Variants in VEGFA observed in about 807,000 individuals in gnomAD.
VEGFA encodes the protein vascular endothelial growth factor A, also known as vascular endothelial growth factor A, long form.
VEGFA carries 20 observed loss-of-function variants against 49.7 expected under a neutral mutation model. That is an observed-to-expected ratio of 0.40 (90% CI 0.28 to 0.58). VEGFA has a LOEUF of 0.58. VEGFA is among the 20% of genes least tolerant of loss of function. The probability of loss-of-function intolerance (pLI) is 0.40; values close to 1 mark genes in which losing one functional copy is unlikely to be tolerated. For synonymous variants in VEGFA, 219 were observed against 223.4 expected, an observed-to-expected ratio of 0.98 and a Z score of 0.18; for missense variants, 505 against 553.5, an observed-to-expected ratio of 0.91 and a Z score of 0.88.
rs1055871923 is a variant in VEGFA, at chr6:43,780,019, A to G, written c.963-713A>G. ...CAGGCTGGGGAGAGAACTCCCTGCC[A>G]AGTACCGCCCAAGCCTCTCCTCCCC... On this transcript the variant is annotated intron_variant, in intron 5 of 7. Coordinates refer to ENST00000672860, the MANE Select transcript of VEGFA (RefSeq NM_003376.6). The G allele has an allele frequency of 2.8e-5, 7 of 253,740 alleles. 1 individual carries two copies. Among genetic ancestry groups the G allele is most frequent in the South Asian group, 1.8e-4 (4 of 22,362 alleles). The allele number at this position is 253,740 out of a possible 1,614,324, so 15.7% of individuals were successfully genotyped here.
chr6:43,782,164 G>A (rs1166339268), intron 7 of VEGFA, 77 bp downstream of exon 7: 19 of 1,572,276 alleles, frequency 1.2e-5, no homozygotes, highest in Non-Finnish European at 1.5e-5. Context: ...AAGAGAGTGA[G>A]CGAGCGAGCG....
At chr6:43,782,305 T>C (rs1348442905) in intron 7 of VEGFA, 26 of 658,682 alleles carry the variant, frequency 3.9e-5, no homozygotes, top group Non-Finnish European at 6.3e-5. Context: ...GCGGGGCCTG[T>C]TCCGAGGTTG....
intron 2 of VEGFA, chr6:43,775,150 A>G (rs1221759115): frequency 1.3e-5 from 2 of 153,142 alleles, no homozygotes; most frequent in Non-Finnish European, 2.9e-5. Flanking sequence ...GTGGCTGGGT[A>G]GTGGCCAGCA....
intron 2 of VEGFA, 146 bp downstream of exon 2, chr6:43,774,538 G>C (rs1764667479): frequency 2.1e-6 from 2 of 963,556 alleles, no homozygotes; most frequent in South Asian, 2.8e-5. Flanking sequence ...TGGGCACCAC[G>C]AGGTTCACCC....
intron 7 of VEGFA, 174 bp downstream of exon 7, chr6:43,782,261 C>T: frequency 1.0e-6 from 1 of 1,002,018 alleles, no homozygotes; most frequent in Non-Finnish European, 1.5e-6. Flanking sequence ...CTTTTAAGGC[C>T]CCTGTGGTGG....
In VEGFA at chr6:43,770,848, C is replaced by T; in HGVS notation, c.142C>T (p.Arg48Cys). 6.5e-7 allele frequency: 1 copy of T among 1,532,976 alleles called. No individual in the cohort carries two copies. The allele number at this position is 1,532,976 out of a possible 1,614,324, so 95.0% of individuals were successfully genotyped here. Reference sequence around the variant, plus strand: ...AGGCGGGGTGGAGGGGGTCGGGGCTCGCGGCGTCGCACTGAAACTTTTCGT... The same window carrying T: ...AGGCGGGGTGGAGGGGGTCGGGGCTTGCGGCGTCGCACTGAAACTTTTCGT... Residue 48 changes from arginine (R) to cysteine (C), a missense_variant, in exon 1 of 8, where the codon CGC becomes TGC. Physicochemically the swap from Arg to Cys is radical, Grantham distance 180. Transcript: ENST00000672860.
At position 43,771,301 on chromosome 6, in the gene VEGFA, C is replaced by T. The variant is rs754375185; in HGVS notation, c.595C>T (p.His199Tyr). 12 of 1,604,402 alleles carry T rather than the reference C, an allele frequency of 7.5e-6. No homozygotes were observed. In the Admixed American group the frequency reaches 1.5e-4, roughly 20 times the overall value. Reference sequence around the variant, plus strand: ...GAGCCTTGCCTTGCTGCTCTACCTCCACCATGCCAAGGTAAGCGGTCGTGC... The same window carrying T: ...GAGCCTTGCCTTGCTGCTCTACCTCTACCATGCCAAGGTAAGCGGTCGTGC... Residue 199 changes from histidine to tyrosine, a missense_variant, in exon 1 of 8, where the codon CAC becomes TAC. His to Tyr is a moderately conservative substitution (Grantham distance 83). Coordinates refer to ENST00000672860, the MANE Select transcript of VEGFA (RefSeq NM_003376.6).
At position 43,786,423 on chromosome 6, in the gene VEGFA, A is replaced by C. The variant is rs1769456372; in HGVS notation, c.*1861A>C. 1 of 172,374 alleles carries C rather than the reference A, an allele frequency of 5.8e-6. No homozygotes were observed. The highest frequency in any genetic ancestry group is 2.4e-5 in the African/African-American group (1 of 42,082). The allele number at this position is 172,374 out of a possible 1,614,324, so 10.7% of individuals were successfully genotyped here. A position where few individuals can be genotyped will look rare whatever the true frequency, so the allele number is the denominator to read the frequency against. On this transcript the variant is annotated 3_prime_UTR_variant, in exon 8 of 8. Coordinates refer to ENST00000672860, the MANE Select transcript of VEGFA (RefSeq NM_003376.6). ...TATTTATTTTTAAACAACGACAAAG[A>C]AATACAGATATATCTTAAAAAAAAA...
chr6:43,780,631 G>A, intron 5 of VEGFA, 101 bp from the exon 6 acceptor site: 1 of 1,543,418 alleles, frequency 6.5e-7, no homozygotes, highest in Non-Finnish European at 8.8e-7. Flanking sequence ...GCCCTGTGTG[G>A]CTTTGCTTTG....
At position 43,771,022 on chromosome 6, in the gene VEGFA, G is replaced by C. The variant is rs988521895; in HGVS notation, c.316G>C (p.Gly106Arg). The C allele has an allele frequency of 3.3e-6, 5 of 1,530,302 alleles. No homozygotes were observed. The African/African-American group carries it at 4.2e-5, about 13-fold the overall frequency. 94.8% of individuals were successfully genotyped at this position (1,530,302 alleles called of 1,614,324 possible). The stretch of plus-strand genomic sequence containing the variant: ...GGAAGAAGAGAAGGAAGAGGAGAGG[G>C]GGCCGCAGTGGCGACTCGGCGCTCG... Residue 106 changes from glycine (G) to arginine (R), a missense_variant, in exon 1 of 8, where the codon GGG becomes CGG. Gly to Arg is a moderately radical substitution (Grantham distance 125). Around this residue, in one of 2 missense-constraint regions of VEGFA, gnomAD observed 340 missense variants for 321.8 expected, o/e 1.06. Coordinates refer to ENST00000672860, the MANE Select transcript of VEGFA (RefSeq NM_003376.6).
In VEGFA at chr6:43,771,178, G is replaced by T; in HGVS notation, c.472G>T (p.Gly158Trp). 6.3e-7 allele frequency: 1 copy of T among 1,585,152 alleles called. No individual in the cohort carries two copies. Among genetic ancestry groups the T allele is most frequent in the Non-Finnish European group, 8.6e-7 (1 of 1,169,148 alleles). Reference sequence around the variant, plus strand: ...AGCTCGCCGAGGCGCCGAGGAGAGCGGGCCGCCCCACAGCCCGAGCCGGAG... The same window carrying T: ...AGCTCGCCGAGGCGCCGAGGAGAGCTGGCCGCCCCACAGCCCGAGCCGGAG... Residue 158 changes from glycine (G) to tryptophan (W), a missense_variant, in exon 1 of 8, where the codon GGG (glycine) becomes TGG (tryptophan). Physicochemically the swap from Gly to Trp is radical, Grantham distance 184. Coordinates refer to ENST00000672860, the MANE Select transcript of VEGFA (RefSeq NM_003376.6).
At chr6:43,771,996 G>A in intron 1 of VEGFA, 1 of 985,062 alleles carries the variant, frequency 1.0e-6, no homozygotes, top group African/African-American at 1.7e-5. Flanking sequence ...GCCCGGGCCT[G>A]GCCGGCCGCG....
rs369902034 is a variant in VEGFA at position 43,770,934 on chromosome 6, G to A, written c.228G>A (p.Pro76=). 3 of 1,544,642 alleles carry A rather than the reference G, an allele frequency of 1.9e-6. No homozygotes were observed. The highest frequency in any genetic ancestry group is 2.5e-5 in the East Asian group (1 of 40,454). ...TGGTCCGCGCGGGGGAAGCCGAGCC[G>A]AGCGGAGCCGCGAGAAGTGCTAGCT... Residue 76 remains proline (P), a synonymous_variant, in exon 1 of 8, where the codon CCG becomes CCA. Transcript: ENST00000672860.
rs767045577 is a variant in VEGFA, at chr6:43,777,726, C to T, written c.855+61C>T. 1 of 1,482,122 alleles carries T rather than the reference C, an allele frequency of 6.7e-7. No individual in the cohort carries two copies. The highest frequency in any genetic ancestry group is 9.1e-7 in the Non-Finnish European group (1 of 1,096,506). The allele number at this position is 1,482,122 out of a possible 1,614,324, so 91.8% of individuals were successfully genotyped here. A position where few individuals can be genotyped will look rare whatever the true frequency, so the allele number is the denominator to read the frequency against. ...AGGGAGGGGGGTAACACTTTGGGAA[C>T]AGGTGGTCCCAGGTCGTTTCCTGGC... is the stretch of plus-strand genomic sequence containing the variant. On this transcript the variant is annotated intron_variant, in intron 3 of 7. Coordinates refer to ENST00000672860, the MANE Select transcript of VEGFA (RefSeq NM_003376.6). This position sits in a 1 kb window ranked among gnomAD's most constrained non-coding sequence, Gnocchi z 4.3.
At chr6:43,781,829 G>T in intron 6 of VEGFA, 127 bp from the exon 7 acceptor site, 9 of 1,302,678 alleles carry the variant, frequency 6.9e-6, no homozygotes, top group Non-Finnish European at 9.7e-6. Context: ...TCCTTCCAGG[G>T]CCTGGGGGCT....
Position 43,777,340 on chromosome 6 carries a change from C to G in VEGFA, c.659-129C>G, listed in dbSNP as rs552274045. Reference sequence around the variant, plus strand: ...CTTCAAACACAGTAGGAGGGACTTACGTTAGATTTTGGAAGGACTTGCCTG... The same window carrying G: ...CTTCAAACACAGTAGGAGGGACTTAGGTTAGATTTTGGAAGGACTTGCCTG... On this transcript the variant is annotated intron_variant, in intron 2 of 7. Coordinates refer to ENST00000672860, the MANE Select transcript of VEGFA (RefSeq NM_003376.6). The surrounding 1 kb of genome is among the most constrained non-coding windows in gnomAD (Gnocchi z 4.3). The G allele has an allele frequency of 3.4e-5, 33 of 981,300 alleles. No individual in the cohort carries two copies. The South Asian group carries it at 4.4e-4, about 13-fold the overall frequency. 60.8% of individuals were successfully genotyped at this position (981,300 alleles called of 1,614,324 possible).
chr6:43,777,432 C>T lies in VEGFA; in HGVS notation c.659-37C>T, dbSNP rs377503146. The T allele has an allele frequency of 5.2e-5, 83 of 1,611,210 alleles. No individual in the cohort carries two copies. Among genetic ancestry groups the T allele is most frequent in the African/African-American group, 5.1e-4 (38 of 74,878 alleles). ...GAGAGGGGCTAGCCATCTTTTGTGT[C>T]GCCCACCGGGCTCATGTGTCATCGC... On this transcript the variant is annotated intron_variant, in intron 2 of 7. Transcript: ENST00000672860. This position sits in a 1 kb window ranked among gnomAD's most constrained non-coding sequence, Gnocchi z 4.3.
Position 43,771,191 on chromosome 6 carries a change from G to T in VEGFA, c.485G>T (p.Ser162Ile). ...GCCGAGGAGAGCGGGCCGCCCCACA[G>T]CCCGAGCCGGAGAGGGAGCGCGAGC... The change falls in exon 1 of 8, where the codon AGC (serine) becomes ATC (isoleucine). Residue 162 changes from serine to isoleucine, a missense_variant. By Grantham distance (142) the Ser-to-Ile change is moderately radical. Transcript: ENST00000672860. 1 of 1,596,710 alleles carries T rather than the reference G, an allele frequency of 6.3e-7. No homozygotes were observed. The highest frequency in any genetic ancestry group is 1.1e-5 in the South Asian group (1 of 89,982).
chr6:43,770,971 G>A lies in VEGFA; in HGVS notation c.265G>A (p.Glu89Lys), dbSNP rs1434509876. The stretch of plus-strand genomic sequence containing the variant: ...GAGAAGTGCTAGCTCGGGCCGGGAG[G>A]AGCCGCAGCCGGAGGAGGGGGAGGA... Residue 89 changes from glutamate to lysine, a missense_variant, in exon 1 of 8, where the codon GAG (glutamate) becomes AAG (lysine). Around this residue, in one of 2 missense-constraint regions of VEGFA, gnomAD observed 340 missense variants for 321.8 expected, o/e 1.06. Coordinates refer to ENST00000672860, the MANE Select transcript of VEGFA (RefSeq NM_003376.6). 1 of 1,543,944 alleles carries A rather than the reference G, an allele frequency of 6.5e-7. No individual in the cohort carries two copies. The highest frequency in any genetic ancestry group is 2.0e-5 in the Admixed American group (1 of 50,606).
Sources: allele counts gnomAD v4.1 joint callset, GRCh38; gene constraint gnomAD v4.1.1; regional missense constraint gnomAD v4.1.1; non-coding constraint Gnocchi (gnomAD v3.1); transcripts MANE v1.5; gene names NCBI Gene and HGNC (gene_info 2026-07-23, HGNC 2026-07-21).